CELF4: variants seen among roughly 807,000 people sequenced by gnomAD.
CELF4 encodes CUGBP Elav-like family member 4, also known as CUG-BP- and ETR-3-like factor 4.
A neutral mutation model predicts 59.9 loss-of-function variants in CELF4; 18 were observed. That is an observed-to-expected ratio of 0.30 (90% confidence interval 0.21 to 0.45). The LOEUF is 0.45. CELF4 is among the 20% of genes least tolerant of loss of function. CELF4 has a pLI of 1.00. For synonymous variants in CELF4, 261 were observed against 267.1 expected, an observed-to-expected ratio of 0.98 and a Z score of 0.22; for missense variants, 456 against 689.0, an observed-to-expected ratio of 0.66 and a Z score of 3.79.
intron 3 of CELF4, among the ~76,000 whole-genome samples, chr18:37,277,394 A>T (rs904469187): frequency 6.6e-6 from 1 of 151,990 alleles, no homozygotes; most frequent in African/African-American, 2.4e-5. Flanking sequence ...GCACACCCCC[A>T]CCCCATCTCC....
chr18:37,419,911 G>A (rs936831831), intron 2 of CELF4, among the ~76,000 whole-genome samples: 3 of 152,372 alleles, frequency 2.0e-5, no homozygotes, highest in Admixed American at 1.3e-4. Flanking sequence ...GTGGTGGCCC[G>A]AGGTCGGCGG....
At chr18:37,421,103 C>T (rs2099575051) in intron 2 of CELF4, among the ~76,000 whole-genome samples, 1 of 152,216 alleles carries the variant, frequency 6.6e-6, no homozygotes, top group Non-Finnish European at 1.5e-5. Context: ...CCATCCCCTC[C>T]CCAACATCCC....
At chr18:37,251,729 G>A (rs1442136993) in intron 12 of CELF4, among the ~76,000 whole-genome samples, 1 of 152,174 alleles carries the variant, frequency 6.6e-6, no homozygotes, top group Non-Finnish European at 1.5e-5. Flanking sequence ...CATTCCTATG[G>A]AAATGCCCCC....
chr18:37,480,584 A>G (rs2099863898), intron 2 of CELF4, among the ~76,000 whole-genome samples: 1 of 152,116 alleles, frequency 6.6e-6, no homozygotes, highest in Non-Finnish European at 1.5e-5. Context: ...ACAGTTGTAC[A>G]TAAAATTAGA....
intron 1 of CELF4, among the ~76,000 whole-genome samples, chr18:37,524,772 C>G (rs919011918): frequency 2.6e-5 from 4 of 152,184 alleles, no homozygotes; most frequent in African/African-American, 9.7e-5. Flanking sequence ...CCCCGAGCCG[C>G]AGGCCGCTGG....
intron 1 of CELF4, among the ~76,000 whole-genome samples, chr18:37,526,268 T>A (rs771227189): frequency 1.3e-5 from 2 of 152,094 alleles, no homozygotes; most frequent in African/African-American, 4.8e-5. Context: ...GAGACAAAAA[T>A]TGTGTTTGGA....
intron 2 of CELF4, among the ~76,000 whole-genome samples, chr18:37,470,784 A>G (rs1052458344): frequency 2.0e-5 from 3 of 150,892 alleles, no homozygotes; most frequent in African/African-American, 7.3e-5. Context: ...GAAATCACCC[A>G]GGGAGCATTT....
intron 1 of CELF4, among the ~76,000 whole-genome samples, chr18:37,550,086 G>GC (rs1555649236): frequency 7.1e-5 from 9 of 127,488 alleles, no homozygotes; most frequent in African/African-American, 2.3e-4. Flanking sequence ...CAATGGGTGG[G>GC]GGGGGGGGAT....
At chr18:37,334,362 T>G (rs2097685462) in intron 2 of CELF4, among the ~76,000 whole-genome samples, 2 of 152,176 alleles carry the variant, frequency 1.3e-5, no homozygotes, top group South Asian at 2.1e-4. Context: ...CCACTGGGTT[T>G]CTGGGCCTGT....
At chr18:37,506,234 T>C (rs1009235562) in intron 1 of CELF4, among the ~76,000 whole-genome samples, 1 of 152,232 alleles carries the variant, frequency 6.6e-6, no homozygotes, top group African/African-American at 2.4e-5. Context: ...ATAACTCTTG[T>C]ACATGGAGTG....
At chr18:37,322,700 G>C (rs1437625066) in intron 2 of CELF4, among the ~76,000 whole-genome samples, 1 of 152,192 alleles carries the variant, frequency 6.6e-6, no homozygotes, top group Non-Finnish European at 1.5e-5. Flanking sequence ...TCTACAGCCC[G>C]GAGGTCTCAG....
At position 37,469,353 on chromosome 18, in the gene CELF4, G is replaced by A. The variant is rs543906303; in HGVS notation, c.369+16172C>T. The stretch of plus-strand genomic sequence containing the variant: ...GGGATGCATCTGCTGGGAGGGGGCC[G>A]GGGAAGCAGCAGACAGTTCCATGTG... On this transcript the variant is annotated intron_variant, in intron 2 of 12. Coordinates refer to ENST00000420428, the MANE Select transcript of CELF4 (RefSeq NM_020180.4). Among the ~76,000 whole-genome samples the A allele has an allele frequency of 2.0e-4, 30 of 152,238 alleles. 1 individual carries two copies. Among genetic ancestry groups the A allele is most frequent in the Middle Eastern group, 6.8e-3 (2 of 294 alleles).
intron 12 of CELF4, among the ~76,000 whole-genome samples, chr18:37,248,403 C>T (rs1343663938): frequency 2.6e-5 from 4 of 152,188 alleles, no homozygotes; most frequent in Non-Finnish European, 4.4e-5. Flanking sequence ...GTTCTGCAGC[C>T]CTGACCCATA....
chr18:37,372,121 C>T (rs1358217896), intron 2 of CELF4, among the ~76,000 whole-genome samples: 1 of 152,162 alleles, frequency 6.6e-6, no homozygotes, highest in Non-Finnish European at 1.5e-5. Flanking sequence ...CCCAGCCATC[C>T]CACTACTGGG....
At chr18:37,277,082 C>A (rs555254258) in intron 3 of CELF4, among the ~76,000 whole-genome samples, 1 of 152,316 alleles carries the variant, frequency 6.6e-6, no homozygotes, top group East Asian at 1.9e-4. Flanking sequence ...AGGAGGCTTT[C>A]AGGCCCCTGC....
chr18:37,292,346 A>C (rs758445890), intron 3 of CELF4, among the ~76,000 whole-genome samples: 1 of 152,222 alleles, frequency 6.6e-6, no homozygotes, highest in African/African-American at 2.4e-5. Context: ...CCAAAGCCTT[A>C]ATCCAAAGAA....
intron 3 of CELF4, among the ~76,000 whole-genome samples, chr18:37,312,042 T>C (rs10048263): frequency 0.47 from 64,802 of 136,556 alleles, 14,857 homozygotes; most frequent in South Asian, 0.59. Flanking sequence ...ACCTGGGAGG[T>C]GGAACTTGCA....
intron 2 of CELF4, among the ~76,000 whole-genome samples, chr18:37,417,966 T>A (rs1569569279): frequency 6.6e-6 from 1 of 152,208 alleles, no homozygotes. Context: ...CCTGAACACT[T>A]GCTTTTAACC....
chr18:37,499,107 A>T (rs575572798), intron 1 of CELF4, among the ~76,000 whole-genome samples: 9 of 152,186 alleles, frequency 5.9e-5, no homozygotes, highest in Admixed American at 4.6e-4. Flanking sequence ...ATACACACTC[A>T]TAGGGGACAG....
Sources: gnomAD v4.1 joint callset for allele counts (sites outside exome capture counted in the v4.1 genomes callset) on GRCh38, gnomAD v4.1.1 for gene constraint, MANE v1.5 for transcripts, NCBI Gene and HGNC (gene_info 2026-07-23, HGNC 2026-07-21) for gene names.